Variants in REG3A observed in about 807,000 individuals in gnomAD.
REG3A encodes regenerating family member 3 alpha.
REG3A carries 15 observed loss-of-function variants against 20.5 expected under a neutral mutation model. That is an observed-to-expected ratio of 0.73 (90% CI 0.49 to 1.12). The LOEUF (loss-of-function observed/expected upper bound fraction) is 1.12. Among genes scored for constraint, REG3A ranks in the 50% most tolerant of loss-of-function variants. The pLI is 0.00. For missense variants in REG3A, 224 were observed against 213.1 expected, an observed-to-expected ratio of 1.05 and a Z score of -0.32; for synonymous variants, 93 against 83.2, an observed-to-expected ratio of 1.12 and a Z score of -0.64.
intron 5 of REG3A, 100 bp downstream of exon 5, chr2:79,157,472 C>T: frequency 6.5e-7 from 1 of 1,527,906 alleles, no homozygotes; most frequent in Non-Finnish European, 8.9e-7. Flanking sequence ...GACACACTAA[C>T]ATTGTATTTT....
chr2:79,159,484 G>T, intron 1 of REG3A, 45 bp from the exon 2 acceptor site: 1 of 1,396,426 alleles, frequency 7.2e-7, no homozygotes, highest in Non-Finnish European at 1.0e-6. Context: ...ATACCCCACT[G>T]CCTCATGTCA....
intron 4 of REG3A, 146 bp from the exon 5 acceptor site, chr2:79,157,844 T>G: frequency 1.7e-5 from 17 of 990,880 alleles, no homozygotes; most frequent in Non-Finnish European, 2.2e-5. Context: ...TAGGAAACTC[T>G]TCCTTGACTC....
At chr2:79,158,800 A>G (rs751689325) in intron 2 of REG3A, 31 bp from the exon 3 acceptor site, 19 of 1,556,984 alleles carry the variant, frequency 1.2e-5, no homozygotes, top group Non-Finnish European at 1.7e-5. Context: ...GGAGGGTAAA[A>G]TGAAGAGTGG....
chr2:79,158,640 T>A lies in REG3A; in HGVS notation c.195+11A>T. On this transcript the variant is annotated intron_variant, in intron 3 of 5. Transcript: ENST00000305165. ...GACCGGTCACCTCCAACACCACATC[T>A]AACCACTCACATCTGCATCTGTCCA... The A allele has an allele frequency of 6.2e-7, 1 of 1,613,736 alleles. No homozygotes were observed.
intron 4 of REG3A, 145 bp downstream of exon 4, chr2:79,158,181 C>T (rs1375946246): frequency 2.1e-6 from 2 of 943,948 alleles, no homozygotes; most frequent in Admixed American, 2.8e-5. Flanking sequence ...TGCTTCATGG[C>T]CTTCCCTTTC....
chr2:79,159,087 C>A, intron 2 of REG3A: 1 of 584,784 alleles, frequency 1.7e-6, no homozygotes, highest in Non-Finnish European at 3.0e-6. Context: ...TTAGAGTCCA[C>A]TTTCCCACCA....
chr2:79,157,527 A>T, intron 5 of REG3A, 45 bp downstream of exon 5: 2 of 1,604,412 alleles, frequency 1.2e-6, no homozygotes, highest in Middle Eastern at 1.7e-4. Flanking sequence ...GGAATGGGGG[A>T]TGAGATGGAA....
In REG3A at chr2:79,158,811, G is replaced by A. The variant is rs756511614; in HGVS notation, c.77-42C>T. On this transcript the variant is annotated intron_variant, in intron 2 of 5. Transcript: ENST00000305165. ...GGGGGGAGGGTAAAATGAAGAGTGG[G>A]GCTTGGGGTGGGAGATGACCTTGGG... 2.1e-5 allele frequency: 32 copies of A among 1,514,182 alleles called. No homozygotes were observed. In the South Asian group the frequency reaches 3.7e-4, roughly 17 times the overall value. The allele number at this position is 1,514,182 out of a possible 1,614,324, so 93.8% of individuals were successfully genotyped here.
Position 79,157,604 on chromosome 2 carries a change from G to C in REG3A, c.428C>G (p.Pro143Arg). The C allele has an allele frequency of 1.2e-6, 2 of 1,614,150 alleles. No individual in the cohort carries two copies. The highest frequency in any genetic ancestry group is 1.7e-6 in the Non-Finnish European group (2 of 1,180,026). The change falls in exon 5 of 6, where the codon CCC (proline) becomes CGC (arginine). Residue 143 changes from proline (P) to arginine (R), a missense_variant. By Grantham distance (103) the Pro-to-Arg change is moderately radical (BLOSUM62 -2). Coordinates refer to ENST00000305165, the MANE Select transcript of REG3A (RefSeq NM_002580.3). ...WERNPSTISS[P>R]GHCASLSRST... ...TCTCGACAGGCTCGCACAGTGGCCGGGGCTTGAGATGGTGGAGGGATTTCT... is the reference window on the plus strand; with the variant it reads ...TCTCGACAGGCTCGCACAGTGGCCGCGGCTTGAGATGGTGGAGGGATTTCT...
At chr2:79,157,433 G>T in intron 5 of REG3A, 139 bp downstream of exon 5, 1 of 1,458,326 alleles carries the variant, frequency 6.9e-7, no homozygotes, top group Non-Finnish European at 9.5e-7. Flanking sequence ...GAGATTCAAA[G>T]AAAGTGGAGA....
rs757642638 is a variant in REG3A at position 79,159,545 on chromosome 2, A to G, written c.-34-106T>C. On this transcript the variant is annotated intron_variant, in intron 1 of 5. Coordinates refer to ENST00000305165, the MANE Select transcript of REG3A (RefSeq NM_002580.3). ...TAAAGTGATCTTGGTCACATCCATC[A>G]TCTTCTACAGTTCTGAATGAGTTGT... 2.3e-4 allele frequency: 180 copies of G among 780,936 alleles called. 1 individual carries two copies. The highest frequency in any genetic ancestry group is 4.3e-4 in the Admixed American group (19 of 44,644). 48.4% of individuals were successfully genotyped at this position (780,936 alleles called of 1,614,324 possible). A position where few individuals can be genotyped will look rare whatever the true frequency, so the allele number is the denominator to read the frequency against.
chr2:79,158,245 G>T, intron 4 of REG3A, 81 bp downstream of exon 4: 5 of 1,493,052 alleles, frequency 3.3e-6, no homozygotes, highest in Non-Finnish European at 4.6e-6. Context: ...GTACTTCCTG[G>T]GCAGGCACAG....
intron 5 of REG3A, 67 bp from the exon 6 acceptor site, chr2:79,157,360 C>A (rs1318866459): frequency 1.2e-5 from 18 of 1,528,918 alleles, no homozygotes; most frequent in Non-Finnish European, 1.6e-5. Context: ...AAGGGGCATC[C>A]CAGGTTTTAG....
intron 5 of REG3A, 114 bp downstream of exon 5, chr2:79,157,458 A>G: frequency 6.7e-7 from 1 of 1,499,736 alleles, no homozygotes; most frequent in Non-Finnish European, 9.1e-7. Context: ...AGGAGATAAG[A>G]GAAGACACAC....
chr2:79,157,789 C>G, intron 4 of REG3A, 91 bp from the exon 5 acceptor site: 1 of 1,509,172 alleles, frequency 6.6e-7, no homozygotes, highest in Non-Finnish European at 8.9e-7. Flanking sequence ...ATTTGCTCCC[C>G]AGCATGAGGA....
At position 79,157,041 on chromosome 2, in the gene REG3A, A is replaced by G. The variant is rs1427727214; in HGVS notation, c.*185T>C. Reference sequence around the variant, plus strand: ...AAATTTTATTGCTCTTTAAAGCCTTAGGCCGTATGACAAAATGAAGAGACT... The same window carrying G: ...AAATTTTATTGCTCTTTAAAGCCTTGGGCCGTATGACAAAATGAAGAGACT... On this transcript the variant is annotated 3_prime_UTR_variant, in exon 6 of 6. Coordinates refer to ENST00000305165, the MANE Select transcript of REG3A (RefSeq NM_002580.3). The G allele has an allele frequency of 1.6e-6, 1 of 615,800 alleles. No individual in the cohort carries two copies. The highest frequency in any genetic ancestry group is 2.9e-5 in the Admixed American group (1 of 35,022). 38.1% of individuals were successfully genotyped at this position (615,800 alleles called of 1,614,324 possible).
At position 79,158,412 on chromosome 2, in the gene REG3A, C is replaced by A. The variant is rs746972535; in HGVS notation, c.247G>T (p.Ala83Ser). 3.6e-5 allele frequency: 58 copies of A among 1,614,050 alleles called. No individual in the cohort carries two copies. The highest frequency in any genetic ancestry group is 4.1e-5 in the Non-Finnish European group (48 of 1,180,030). ...SGNLVSVLSG[A>S]EGSFVSSLVK... is the part of the protein sequence containing the mutation. The stretch of plus-strand genomic sequence containing the variant: ...AGGGAGGACACGAAGGATCCCTCAG[C>A]CCCACTGAGCACAGACACCAGGTTT... The change falls in exon 4 of 6, where the codon GCT (alanine) becomes TCT (serine). Residue 83 changes from alanine to serine, a missense_variant. Physicochemically the swap from Ala to Ser is moderately conservative, Grantham distance 99. Transcript: ENST00000305165.
chr2:79,158,334 G>T lies in REG3A; in HGVS notation c.325C>A (p.Pro109Thr). ...YSYVWIGLHD[P>T]TQGTEPNGEG... The stretch of plus-strand genomic sequence containing the variant: ...GGAGGATATACTGGCACCTGTGTGG[G>T]GTCATGGAGCCCAATCCAGACGTAT... Residue 109 changes from proline to threonine, a missense_variant, in exon 4 of 6, where the codon CCC (proline) becomes ACC (threonine). Coordinates refer to ENST00000305165, the MANE Select transcript of REG3A (RefSeq NM_002580.3). 1.2e-6 allele frequency: 2 copies of T among 1,613,716 alleles called. No homozygotes were observed. Among genetic ancestry groups the T allele is most frequent in the Non-Finnish European group, 1.7e-6 (2 of 1,179,784 alleles).
rs768991146 is a variant in REG3A, at chr2:79,158,475, A to C, written c.196-12T>G. 1 of 1,613,938 alleles carries C rather than the reference A, an allele frequency of 6.2e-7. No individual in the cohort carries two copies. Among genetic ancestry groups the C allele is most frequent in the East Asian group, 2.2e-5 (1 of 44,880 alleles). On this transcript the variant is annotated splice_polypyrimidine_tract_variant and intron_variant, in intron 3 of 5. Transcript: ENST00000305165. ...TTCTGGCAGGCCAGCTTTGAGGGCAACAAAGAGAATGAGAGGGAGCCTGAG... is the reference window on the plus strand; with the variant it reads ...TTCTGGCAGGCCAGCTTTGAGGGCACCAAAGAGAATGAGAGGGAGCCTGAG...
Sources: allele counts gnomAD v4.1 joint callset, GRCh38; gene constraint gnomAD v4.1.1; transcripts MANE v1.5; gene names NCBI Gene and HGNC (gene_info 2026-07-23, HGNC 2026-07-21).